FER: variants seen among roughly 807,000 people sequenced by gnomAD.
The protein encoded by FER is tyrosine-protein kinase Fer.
In FER, 63 loss-of-function variants were observed where a neutral mutation model predicts 111.0. The observed-to-expected ratio is 0.57, with a 90% CI of 0.46 to 0.70. The LOEUF is 0.70. Among genes scored for constraint, FER ranks in the 30% least tolerant of loss-of-function variants. The pLI, the probability that FER is intolerant of heterozygous loss-of-function variation, is 0.00. For synonymous variants in FER, 327 were observed against 313.9 expected (o/e 1.04, Z -0.44); for missense variants, 914 against 954.0 (o/e 0.96, Z 0.55).
chr5:108,845,203 G>A (rs1206500703), intron 5 of FER, among the ~76,000 whole-genome samples: 1 of 149,258 alleles, frequency 6.7e-6, no homozygotes, highest in Non-Finnish European at 1.5e-5. Context: ...ATGGTGTCTT[G>A]CTCTGTCGCC....
chr5:108,957,052 T>C (rs1023715887), intron 12 of FER, among the ~76,000 whole-genome samples: 6 of 151,638 alleles, frequency 4.0e-5, no homozygotes, highest in Non-Finnish European at 8.9e-5. Flanking sequence ...AAAAGAGCAC[T>C]GAATTTGGAG....
At chr5:108,774,137 G>T (rs148134687) in intron 2 of FER, among the ~76,000 whole-genome samples, 165 of 152,016 alleles carry the variant, frequency 1.1e-3, no homozygotes, top group African/African-American at 3.7e-3. Context: ...CCACTTATGA[G>T]TGAGAACGTG....
At chr5:109,164,553 ATTC>A (rs762013239) in intron 17 of FER, among the ~76,000 whole-genome samples, 1 of 151,954 alleles carries the variant, frequency 6.6e-6, no homozygotes, top group African/African-American at 2.4e-5. Flanking sequence ...TGTTTCTTTT[ATTC>A]TTGCTCTTAA....
chr5:108,928,126 T>C (rs1198791729), intron 10 of FER, among the ~76,000 whole-genome samples: 1 of 152,238 alleles, frequency 6.6e-6, no homozygotes, highest in African/African-American at 2.4e-5. Context: ...TTGATTGCTG[T>C]AGTTTGTTCG....
At chr5:108,935,346 T>G (rs780804601) in intron 10 of FER, among the ~76,000 whole-genome samples, 4 of 152,026 alleles carry the variant, frequency 2.6e-5, no homozygotes, top group Admixed American at 6.6e-5. Flanking sequence ...CTCTAATCTG[T>G]CTCCTTCTTC....
chr5:108,899,204 GGTT>G (rs1443250877), intron 10 of FER, among the ~76,000 whole-genome samples: 1 of 151,390 alleles, frequency 6.6e-6, no homozygotes, highest in Non-Finnish European at 1.5e-5. Flanking sequence ...AAACTATTGT[GGTT>G]GTTAGTAATA....
At chr5:108,858,940 A>G (rs564489831) in intron 5 of FER, among the ~76,000 whole-genome samples, 4 of 151,714 alleles carry the variant, frequency 2.6e-5, no homozygotes, top group Non-Finnish European at 5.9e-5. Context: ...AACCTTATGT[A>G]TGTGTTTTGT....
intron 10 of FER, among the ~76,000 whole-genome samples, chr5:108,910,342 T>C (rs931673371): frequency 6.6e-6 from 1 of 152,220 alleles, no homozygotes; most frequent in Non-Finnish European, 1.5e-5. Context: ...TCAGCCAGTC[T>C]GGTTATAGTG....
chr5:108,798,335 T>A lies in FER; in HGVS notation c.153T>A (p.Asn51Lys). The part of the protein sequence containing the change: ...EYASTLQNLC[N>K]QVDKESTVQM... ...CATCTACTTTACAGAACCTTTGTAA[T>A]CAAGTTGATAAGGAAAGTACTGTCC... Residue 51 changes from asparagine (N) to lysine (K), a missense_variant, in exon 3 of 20, where the codon AAT (asparagine) becomes AAA (lysine). Asn to Lys is a moderately conservative substitution (Grantham distance 94). Around this residue, in one of 3 missense-constraint regions of FER, gnomAD observed 774 missense variants for 782.6 expected, o/e 0.99. Coordinates refer to ENST00000281092, the MANE Select transcript of FER (RefSeq NM_005246.4). 6.2e-7 allele frequency: 1 copy of A among 1,613,954 alleles called. No individual in the cohort carries two copies.
At chr5:109,092,252 A>G (rs1160120251) in intron 16 of FER, among the ~76,000 whole-genome samples, 1 of 135,450 alleles carries the variant, frequency 7.4e-6, no homozygotes, top group African/African-American at 2.7e-5. Flanking sequence ...ATAGACAGGG[A>G]GAGTACATCA....
chr5:108,794,085 A>G (rs943448535), intron 2 of FER, among the ~76,000 whole-genome samples: 4 of 152,144 alleles, frequency 2.6e-5, no homozygotes, highest in Admixed American at 2.0e-4. Flanking sequence ...TATTATTATA[A>G]TGTGATAATA....
chr5:108,850,652 C>A (rs1326662633), intron 5 of FER, among the ~76,000 whole-genome samples: 1 of 151,266 alleles, frequency 6.6e-6, no homozygotes, highest in South Asian at 2.1e-4. Context: ...TATTTTTTTT[C>A]TTGTCAAGGG....
intron 1 of FER, among the ~76,000 whole-genome samples, chr5:108,750,914 C>G (rs1208078651): frequency 6.6e-6 from 1 of 152,176 alleles, no homozygotes; most frequent in Non-Finnish European, 1.5e-5. Flanking sequence ...CGTATGTGGC[C>G]GGGCGCGGTG....
intron 11 of FER, among the ~76,000 whole-genome samples, chr5:108,953,606 GT>G (rs1208818017): frequency 6.6e-6 from 1 of 151,910 alleles, no homozygotes; most frequent in Non-Finnish European, 1.5e-5. Context: ...GGTCTCCTCA[GT>G]GGTACGAAAC....
At chr5:108,911,395 A>G (rs1179641581) in intron 10 of FER, among the ~76,000 whole-genome samples, 1 of 152,052 alleles carries the variant, frequency 6.6e-6, no homozygotes, top group African/African-American at 2.4e-5. Context: ...TAACTTGCAA[A>G]TATTTTCTCC....
chr5:109,060,915 A>T (rs1774336960), intron 16 of FER, among the ~76,000 whole-genome samples: 1 of 152,046 alleles, frequency 6.6e-6, no homozygotes, highest in South Asian at 2.1e-4. Context: ...GAGAGGAAAA[A>T]AATGGCTAAT....
intron 16 of FER, among the ~76,000 whole-genome samples, chr5:109,065,061 GA>G (rs1774917686): frequency 6.6e-6 from 1 of 152,014 alleles, no homozygotes; most frequent in Non-Finnish European, 1.5e-5. Flanking sequence ...GAATTCAATT[GA>G]AATAAAAAAC....
At chr5:108,978,139 C>T (rs1362014170) in intron 13 of FER, among the ~76,000 whole-genome samples, 1 of 152,174 alleles carries the variant, frequency 6.6e-6, no homozygotes, top group African/African-American at 2.4e-5. Context: ...AGCCATCGTG[C>T]CTAGCTAACT....
chr5:108,851,333 C>T (rs1461783895), intron 5 of FER, among the ~76,000 whole-genome samples: 6 of 152,134 alleles, frequency 3.9e-5, no homozygotes, highest in African/African-American at 1.4e-4. Flanking sequence ...AGCCATCAGT[C>T]TCATGAGACT....
Sources: gnomAD v4.1 joint callset for allele counts (sites outside exome capture counted in the v4.1 genomes callset) on GRCh38, gnomAD v4.1.1 for gene constraint, gnomAD v4.1.1 regional missense constraint, MANE v1.5 for transcripts, NCBI Gene and HGNC (gene_info 2026-07-23, HGNC 2026-07-21) for gene names.